CCDC73: variants seen among roughly 807,000 people sequenced by gnomAD.
The protein encoded by CCDC73 is coiled-coil domain containing 73.
CCDC73 carries 95 observed loss-of-function variants against 116.5 expected under a neutral mutation model. The ratio of observed to expected loss-of-function variants is 0.82; its 90% CI spans 0.69 to 0.97. The LOEUF (loss-of-function observed/expected upper bound fraction) is 0.97, where lower values mean the gene tolerates loss of function less well. Ranked by LOEUF, CCDC73 falls within the 50% of genes least tolerant of loss-of-function variation. The pLI, the probability that CCDC73 is intolerant of heterozygous loss-of-function variation, is 0.00. For missense variants in CCDC73, 1,066 were observed against 1,206.8 expected (o/e 0.88, Z 1.73); for synonymous variants, 398 against 401.3 (o/e 0.99, Z 0.10).
upstream of CCDC73, among the ~76,000 whole-genome samples, chr11:32,795,360 A>G (rs561172495): frequency 2.2e-4 from 33 of 152,008 alleles, no homozygotes; most frequent in Admixed American, 8.5e-4. Flanking sequence ...AATCCCAGCT[A>G]CTTGGGAGGC....
At position 32,635,850 on chromosome 11, in the gene CCDC73, A is replaced by G; in HGVS notation, c.1051-20T>C. ...TTCAGCCTATTATAAAAAAGGAACC[A>G]GAATAAACAAGTATATCAAGTATAT... On this transcript the variant is annotated intron_variant, in intron 13 of 17. Coordinates refer to ENST00000335185, the MANE Select transcript of CCDC73 (RefSeq NM_001008391.4). 4 of 1,086,438 alleles carry G rather than the reference A, an allele frequency of 3.7e-6. No homozygotes were observed. The highest frequency in any genetic ancestry group is 4.7e-6 in the Non-Finnish European group (4 of 842,580). The allele number at this position is 1,086,438 out of a possible 1,614,324, so 67.3% of individuals were successfully genotyped here. A position where few individuals can be genotyped will look rare whatever the true frequency, so the allele number is the denominator to read the frequency against.
At chr11:32,662,703 T>A (rs1448967710) in intron 9 of CCDC73, among the ~76,000 whole-genome samples, 1 of 152,226 alleles carries the variant, frequency 6.6e-6, no homozygotes, top group Non-Finnish European at 1.5e-5. Context: ...TAGATCCCAA[T>A]TGTCAATGTT....
intron 7 of CCDC73, chr11:32,680,126 G>A (rs1411971166): frequency 6.6e-6 from 1 of 152,136 alleles, no homozygotes; most frequent in Non-Finnish European, 1.5e-5. Flanking sequence ...TTGAAAATGA[G>A]ATGAAGAGGT....
intron 3 of CCDC73, among the ~76,000 whole-genome samples, chr11:32,712,406 G>A (rs1029097337): frequency 1.3e-5 from 2 of 152,038 alleles, no homozygotes; most frequent in African/African-American, 4.8e-5. Context: ...ATTGGTAAAA[G>A]TAGATTTTAA....
chr11:32,789,793 C>A (rs1030347640), intron 1 of CCDC73, among the ~76,000 whole-genome samples: 4 of 151,832 alleles, frequency 2.6e-5, no homozygotes, highest in Non-Finnish European at 5.9e-5. Flanking sequence ...AAATACGACA[C>A]CTTCTTCTCA....
At chr11:32,704,279 A>G (rs1849837304) in intron 3 of CCDC73, among the ~76,000 whole-genome samples, 3 of 152,288 alleles carry the variant, frequency 2.0e-5, no homozygotes, top group South Asian at 4.1e-4. Flanking sequence ...AGCTTAAAGT[A>G]CCTGTTTCCA....
intron 9 of CCDC73, among the ~76,000 whole-genome samples, chr11:32,675,051 C>T (rs544839371): frequency 1.3e-4 from 20 of 152,148 alleles, no homozygotes; most frequent in Admixed American, 2.6e-4. Context: ...ACCCTCTTAC[C>T]CCCAATCTAA....
chr11:32,701,974 C>G (rs1348706898), intron 4 of CCDC73, among the ~76,000 whole-genome samples: 1 of 152,194 alleles, frequency 6.6e-6, no homozygotes, highest in Non-Finnish European at 1.5e-5. Flanking sequence ...GCCCAAAGTC[C>G]TTTGTGACAG....
chr11:32,667,041 C>T (rs546702018), intron 9 of CCDC73, among the ~76,000 whole-genome samples: 16 of 152,316 alleles, frequency 1.1e-4, no homozygotes, highest in Non-Finnish European at 1.3e-4. Flanking sequence ...GAGGGGCACA[C>T]GGTCGGCCGT....
At chr11:32,770,015 C>A (rs1850478221) in intron 1 of CCDC73, among the ~76,000 whole-genome samples, 1 of 152,196 alleles carries the variant, frequency 6.6e-6, no homozygotes, top group Non-Finnish European at 1.5e-5. Flanking sequence ...AACAAACCAC[C>A]CAAAACTTAA....
At chr11:32,608,825 C>A (rs1201932221) in intron 17 of CCDC73, among the ~76,000 whole-genome samples, 2 of 152,180 alleles carry the variant, frequency 1.3e-5, no homozygotes, top group Non-Finnish European at 2.9e-5. Flanking sequence ...TTCTTGACTT[C>A]TGTGTACTCG....
chr11:32,744,868 T>C (rs926167703), intron 2 of CCDC73, among the ~76,000 whole-genome samples: 11 of 152,210 alleles, frequency 7.2e-5, no homozygotes, highest in East Asian at 5.8e-4. Flanking sequence ...CCTGGATTCA[T>C]TAATTTTTTG....
At chr11:32,664,356 G>T (rs1855959919) in intron 9 of CCDC73, among the ~76,000 whole-genome samples, 1 of 152,152 alleles carries the variant, frequency 6.6e-6, no homozygotes, top group Admixed American at 6.5e-5. Context: ...CTCAATTTCA[G>T]ATCCTGTTAT....
chr11:32,819,991 T>C, the CCDC73 span, among the ~76,000 whole-genome samples: 1 of 152,314 alleles, frequency 6.6e-6, no homozygotes, highest in African/African-American at 2.4e-5. Context: ...TTTTCTTCTC[T>C]TTCCTTATCT....
chr11:32,666,408 T>G (rs1855981725), intron 9 of CCDC73, among the ~76,000 whole-genome samples: 2 of 152,358 alleles, frequency 1.3e-5, no homozygotes, highest in Admixed American at 1.3e-4. Context: ...TTTTATTCAT[T>G]TGATCTTCAA....
intron 1 of CCDC73, among the ~76,000 whole-genome samples, chr11:32,779,263 CAAAAAA>C (rs34184527): frequency 4.6e-4 from 51 of 110,052 alleles, no homozygotes; most frequent in African/African-American, 1.4e-3. Flanking sequence ...TCATGTGGGG[CAAAAAA>C]AAAAAAAAAA....
intron 9 of CCDC73, among the ~76,000 whole-genome samples, chr11:32,665,356 T>C (rs1855970586): frequency 6.6e-6 from 1 of 152,182 alleles, no homozygotes; most frequent in South Asian, 2.1e-4. Context: ...ATTGGGTGCA[T>C]ATATATTTAG....
At chr11:32,714,434 A>AT (rs1849926747) in intron 3 of CCDC73, among the ~76,000 whole-genome samples, 2 of 152,150 alleles carry the variant, frequency 1.3e-5, no homozygotes, top group Non-Finnish European at 2.9e-5. Flanking sequence ...TCACAAACAG[A>AT]TAACAGTTGC....
At chr11:32,630,377 C>T (rs2133237504) in intron 14 of CCDC73, among the ~76,000 whole-genome samples, 1 of 142,746 alleles carries the variant, frequency 7.0e-6, no homozygotes, top group South Asian at 2.2e-4. Context: ...TGGAGTCTCG[C>T]TCTGTTGCCC....
Sources: allele counts gnomAD v4.1 joint callset (sites outside exome capture counted in the v4.1 genomes callset), GRCh38; gene constraint gnomAD v4.1.1; transcripts MANE v1.5; gene names NCBI Gene and HGNC (gene_info 2026-07-23, HGNC 2026-07-21).